The following GLCE variants were observed in gnomAD, a reference collection of about 807,000 sequenced individuals.
The protein encoded by GLCE is glucuronic acid epimerase, also known as D-glucuronyl C5-epimerase.
A neutral mutation model predicts 47.9 loss-of-function variants in GLCE; 19 were observed. The observed-to-expected ratio is 0.40, with a 90% CI of 0.28 to 0.58. The LOEUF (loss-of-function observed/expected upper bound fraction) is 0.58. Among genes scored for constraint, GLCE ranks in the 20% least tolerant of loss-of-function variants. GLCE has a pLI of 0.48. For missense variants in GLCE, 556 were observed against 743.3 expected (o/e 0.75, Z 2.93); for synonymous variants, 245 against 263.4 (o/e 0.93, Z 0.68).
At position 69,234,266 on chromosome 15, in the gene GLCE, A is replaced by G. The variant is rs145755736; in HGVS notation, c.-13-21528A>G. 7.3e-3 allele frequency among the ~76,000 whole-genome samples: 1,118 copies of G among 152,166 alleles called. 16 individuals are homozygous for G. Among genetic ancestry groups the G allele is most frequent in the African/African-American group, 0.026 (1,078 of 41,532 alleles). ...GTGCTGGGATTACAGGCATTGAGCC[A>G]TTGCTCCCGGCCAGAAGATTATTTT... On this transcript the variant is annotated intron_variant, in intron 2 of 4. Transcript: ENST00000261858.
chr15:69,176,291 C>T (rs1024908473), intron 1 of GLCE, among the ~76,000 whole-genome samples: 7 of 115,970 alleles, frequency 6.0e-5, no homozygotes, highest in Non-Finnish European at 1.1e-4. Context: ...GGTGTGATTT[C>T]GGGCTCACTG....
At chr15:69,226,655 A>C (rs1192918914) in intron 2 of GLCE, among the ~76,000 whole-genome samples, 2 of 150,688 alleles carry the variant, frequency 1.3e-5, no homozygotes, top group Non-Finnish European at 2.9e-5. Context: ...TTTCATGTTC[A>C]TGCACATCCC....
intron 2 of GLCE, among the ~76,000 whole-genome samples, chr15:69,222,102 G>A (rs537639487): frequency 6.6e-6 from 1 of 152,252 alleles, no homozygotes; most frequent in East Asian, 1.9e-4. Context: ...TCAGCTTTAC[G>A]CTCATGGGCT....
intron 2 of GLCE, among the ~76,000 whole-genome samples, chr15:69,221,136 A>T (rs1268130202): frequency 6.6e-6 from 1 of 152,214 alleles, no homozygotes; most frequent in Non-Finnish European, 1.5e-5. Context: ...CTATGCCAGT[A>T]CCATACTGTT....
intron 4 of GLCE, among the ~76,000 whole-genome samples, chr15:69,266,369 C>T (rs2053086428): frequency 6.6e-6 from 1 of 151,852 alleles, no homozygotes. Flanking sequence ...CTCATTCTGT[C>T]ACCCAGAACA....
chr15:69,200,881 G>A (rs1248560855), intron 1 of GLCE, among the ~76,000 whole-genome samples: 1 of 152,106 alleles, frequency 6.6e-6, no homozygotes, highest in Non-Finnish European at 1.5e-5. Flanking sequence ...TCTGGAGGCT[G>A]TAGGGCAAGA....
chr15:69,241,338 C>G (rs568898627), intron 2 of GLCE, among the ~76,000 whole-genome samples: 101 of 152,272 alleles, frequency 6.6e-4, no homozygotes, highest in African/African-American at 2.4e-3. Flanking sequence ...AAAATATATA[C>G]CACCCACCTA....
At chr15:69,186,137 A>G (rs183083418) in intron 1 of GLCE, among the ~76,000 whole-genome samples, 222 of 152,280 alleles carry the variant, frequency 1.5e-3, no homozygotes, top group Middle Eastern at 0.01. Flanking sequence ...TCAGCTATCC[A>G]GAAGCTCTCT....
chr15:69,270,317 TG>T lies in GLCE; in HGVS notation c.*1074del, dbSNP rs761913003. ...ACTAGTAAGTCTGTGCATCATTGGG[TG>T]TTTTTTTTTAATTTAATTTTAAATT... is the stretch of plus-strand genomic sequence containing the variant. On this transcript the variant is annotated 3_prime_UTR_variant, in exon 5 of 5. Coordinates refer to ENST00000261858, the MANE Select transcript of GLCE (RefSeq NM_015554.3). The T allele has an allele frequency of 1.1e-4, 17 of 152,010 alleles. No individual in the cohort carries two copies. Among genetic ancestry groups the T allele is most frequent in the Non-Finnish European group, 1.9e-4 (13 of 68,004 alleles). 9.4% of individuals were successfully genotyped at this position (152,010 alleles called of 1,614,324 possible). A position where few individuals can be genotyped will look rare whatever the true frequency, so the allele number is the denominator to read the frequency against.
At chr15:69,228,083 A>G (rs906921009) in intron 2 of GLCE, among the ~76,000 whole-genome samples, 1 of 152,208 alleles carries the variant, frequency 6.6e-6, no homozygotes, top group Non-Finnish European at 1.5e-5. Context: ...TTTCTTCTCC[A>G]AGGCATTATG....
At chr15:69,213,844 G>T (rs998395950) in intron 2 of GLCE, among the ~76,000 whole-genome samples, 3 of 151,928 alleles carry the variant, frequency 2.0e-5, no homozygotes, top group Non-Finnish European at 4.4e-5. Context: ...AGTAGTCCCT[G>T]CTCACATTTA....
intron 1 of GLCE, among the ~76,000 whole-genome samples, chr15:69,185,457 G>C (rs867016407): frequency 1.8e-4 from 28 of 152,078 alleles, no homozygotes; most frequent in African/African-American, 6.5e-4. Context: ...GTAGAAAGTG[G>C]ACTGGGTTGT....
At chr15:69,261,507 C>G (rs1440379943) in intron 4 of GLCE, among the ~76,000 whole-genome samples, 178 bp downstream of exon 4, 1 of 151,902 alleles carries the variant, frequency 6.6e-6, no homozygotes, top group Non-Finnish European at 1.5e-5. Flanking sequence ...GCTAAAAAGT[C>G]AAGGTTATAA....
chr15:69,194,457 A>G (rs1046639089), intron 1 of GLCE: 1 of 152,204 alleles, frequency 6.6e-6, no homozygotes, highest in African/African-American at 2.4e-5. Context: ...AGACAGGAAG[A>G]AGTCCAGATG....
Position 69,257,423 on chromosome 15 carries a change from C to T in GLCE, c.586+1031C>T, listed in dbSNP as rs114333506. Among the ~76,000 whole-genome samples, 1,515 of 152,270 alleles carry T rather than the reference C, an allele frequency of 9.9e-3. 23 individuals are homozygous for T. The highest frequency in any genetic ancestry group is 0.032 in the African/African-American group (1,338 of 41,562). On this transcript the variant is annotated intron_variant, in intron 3 of 4. Coordinates refer to ENST00000261858, the MANE Select transcript of GLCE (RefSeq NM_015554.3). ...ATACTGTCATGGCTTACTGCAGTCT[C>T]GATCTCCCAGGCTCAAGTGATCCTC...
At chr15:69,181,629 C>T (rs1423983979) in intron 1 of GLCE, among the ~76,000 whole-genome samples, 1 of 151,942 alleles carries the variant, frequency 6.6e-6, no homozygotes, top group Non-Finnish European at 1.5e-5. Flanking sequence ...GTGATTCTGA[C>T]AAGAGCAGGT....
chr15:69,198,973 C>A (rs753509554), intron 1 of GLCE, among the ~76,000 whole-genome samples: 1 of 152,074 alleles, frequency 6.6e-6, no homozygotes, highest in Non-Finnish European at 1.5e-5. Context: ...GTCCGCCACC[C>A]GGTCCCCAAA....
rs78476209 is a variant in GLCE at position 69,190,360 on chromosome 15, C to T, written c.-104-19956C>T. ...TATGTCCTTACTAAGTTTTTGTCTACTAGTTGTGTCATTATTGAGAGATTT... is the reference window on the plus strand; with the variant it reads ...TATGTCCTTACTAAGTTTTTGTCTATTAGTTGTGTCATTATTGAGAGATTT... On this transcript the variant is annotated intron_variant, in intron 1 of 4. Coordinates refer to ENST00000261858, the MANE Select transcript of GLCE (RefSeq NM_015554.3). Among the ~76,000 whole-genome samples the T allele has an allele frequency of 6.4e-3, 975 of 152,076 alleles. 10 individuals carry two copies. The highest frequency in any genetic ancestry group is 0.023 in the African/African-American group (934 of 41,502).
At chr15:69,220,728 A>G (rs997871955) in intron 2 of GLCE, among the ~76,000 whole-genome samples, 1 of 152,066 alleles carries the variant, frequency 6.6e-6, no homozygotes, top group Admixed American at 6.5e-5. Context: ...CTATTCTGTG[A>G]GTTGCCTTTT....
Sources: allele counts gnomAD v4.1 joint callset (sites outside exome capture counted in the v4.1 genomes callset), GRCh38; gene constraint gnomAD v4.1.1; transcripts MANE v1.5; gene names NCBI Gene and HGNC (gene_info 2026-07-23, HGNC 2026-07-21).